Variants in NEDD4L observed in about 807,000 individuals in gnomAD.
The protein encoded by NEDD4L is E3 ubiquitin-protein ligase NEDD4-like.
NEDD4L carries 54 observed loss-of-function variants against 148.9 expected under a neutral mutation model. The observed-to-expected ratio is 0.36, with a 90% CI of 0.29 to 0.45. The LOEUF (loss-of-function observed/expected upper bound fraction) is 0.45. Ranked by LOEUF, NEDD4L falls within the 20% of genes least tolerant of loss-of-function variation. The pLI is 1.00. For missense variants in NEDD4L, 856 were observed against 1,233.8 expected (o/e 0.69, Z 4.59); for synonymous variants, 433 against 440.7 (o/e 0.98, Z 0.22).
At chr18:58,217,949 G>A (rs1816641815) in intron 2 of NEDD4L, among the ~76,000 whole-genome samples, 1 of 152,200 alleles carries the variant, frequency 6.6e-6, no homozygotes, top group South Asian at 2.1e-4. Flanking sequence ...AGGCTGCAGA[G>A]TATGGATAAA....
chr18:58,195,422 CGATT>C, intron 2 of NEDD4L: 1 of 1,300,112 alleles, frequency 7.7e-7, no homozygotes, highest in Non-Finnish European at 1.0e-6. Flanking sequence ...AATTTGCTCC[CGATT>C]CGAGAGAGGC....
At chr18:58,281,083 T>C (rs1012551820) in intron 5 of NEDD4L, among the ~76,000 whole-genome samples, 1 of 152,156 alleles carries the variant, frequency 6.6e-6, no homozygotes, top group African/African-American at 2.4e-5. Context: ...GCTCAAGCGA[T>C]CCTCCCGCCT....
chr18:58,341,249 T>G (rs1356587631), intron 14 of NEDD4L, 80 bp downstream of exon 14: 12 of 1,496,922 alleles, frequency 8.0e-6, no homozygotes, highest in Admixed American at 2.2e-5. Flanking sequence ...TCCTGGTGTT[T>G]ATGTATTGTT....
intron 15 of NEDD4L, among the ~76,000 whole-genome samples, chr18:58,342,040 G>T (rs749774753): frequency 7.9e-5 from 12 of 152,334 alleles, no homozygotes; most frequent in Non-Finnish European, 1.5e-4. Flanking sequence ...ACTTGTGCTG[G>T]ACGTGGGCAC....
At chr18:58,115,248 T>TC (rs1247540427) in intron 1 of NEDD4L, among the ~76,000 whole-genome samples, 10 of 148,554 alleles carry the variant, frequency 6.7e-5, no homozygotes, top group South Asian at 2.1e-4. Context: ...TTTCTTTCTT[T>TC]TTTTTTTTTT....
At chr18:58,378,429 C>T (rs1018138681) in intron 24 of NEDD4L, among the ~76,000 whole-genome samples, 1 of 152,226 alleles carries the variant, frequency 6.6e-6, no homozygotes, top group African/African-American at 2.4e-5. Flanking sequence ...CAGAGCATGT[C>T]CTGGCGGAAG....
chr18:58,283,856 G>A (rs936437887), intron 5 of NEDD4L, among the ~76,000 whole-genome samples: 4 of 152,182 alleles, frequency 2.6e-5, no homozygotes, highest in Admixed American at 2.0e-4. Context: ...GTCAAGTTAA[G>A]ATGAGGCCAT....
intron 1 of NEDD4L, among the ~76,000 whole-genome samples, chr18:58,062,667 A>G (rs1405701173): frequency 2.0e-5 from 3 of 152,162 alleles, no homozygotes; most frequent in Admixed American, 6.5e-5. Flanking sequence ...GGAGCATGAA[A>G]GTACCAATAG....
intron 24 of NEDD4L, among the ~76,000 whole-genome samples, chr18:58,379,425 A>G (rs1029906989): frequency 6.6e-6 from 1 of 152,218 alleles, no homozygotes; most frequent in Non-Finnish European, 1.5e-5. Flanking sequence ...CTGAGGACAT[A>G]CAGTCCCTCC....
chr18:58,328,256 T>C (rs2059486057), intron 9 of NEDD4L, among the ~76,000 whole-genome samples: 1 of 152,172 alleles, frequency 6.6e-6, no homozygotes, highest in Non-Finnish European at 1.5e-5. Context: ...TGAGCCACCA[T>C]GCCCAGCCCA....
At chr18:58,085,684 G>T (rs1223148964) in intron 1 of NEDD4L, among the ~76,000 whole-genome samples, 2 of 152,214 alleles carry the variant, frequency 1.3e-5, no homozygotes, top group Non-Finnish European at 2.9e-5. Context: ...AAGATACATG[G>T]AGTGTCATTG....
chr18:58,381,154 A>G (rs2048286364), intron 24 of NEDD4L, among the ~76,000 whole-genome samples: 1 of 152,244 alleles, frequency 6.6e-6, no homozygotes, highest in African/African-American at 2.4e-5. Flanking sequence ...AAGAGAAATT[A>G]CTGTGAGAAG....
chr18:58,360,632 A>C (rs1030592599), intron 19 of NEDD4L, among the ~76,000 whole-genome samples: 1 of 152,130 alleles, frequency 6.6e-6, no homozygotes, highest in Non-Finnish European at 1.5e-5. Context: ...TTTATTTCTT[A>C]GCCTCTTTGA....
chr18:58,202,400 C>T (rs530606887), intron 2 of NEDD4L, among the ~76,000 whole-genome samples: 6 of 152,372 alleles, frequency 3.9e-5, no homozygotes, highest in Non-Finnish European at 7.3e-5. Flanking sequence ...GCAGCATCCC[C>T]GGAGCTCATC....
intron 5 of NEDD4L, among the ~76,000 whole-genome samples, chr18:58,275,357 C>A (rs539169127): frequency 6.6e-6 from 1 of 152,066 alleles, no homozygotes; most frequent in Non-Finnish European, 1.5e-5. Flanking sequence ...GGTAGAAAAT[C>A]CTTGTATAAT....
At chr18:58,067,435 A>G (rs1286134273) in intron 1 of NEDD4L, among the ~76,000 whole-genome samples, 3 of 152,180 alleles carry the variant, frequency 2.0e-5, no homozygotes, top group Non-Finnish European at 4.4e-5. Flanking sequence ...TTAAGGGGTT[A>G]TCAGGGAATG....
rs2056873856 is a variant in NEDD4L at position 58,304,690 on chromosome 18, CATCT to C, written c.298-11289_298-11286del. Among the ~76,000 whole-genome samples, 3 of 152,256 alleles carry C rather than the reference CATCT, an allele frequency of 2.0e-5. No individual in the cohort carries two copies. The South Asian group carries it at 6.2e-4, about 32-fold the overall frequency. ...GATAGACATGGGATTTTAAACTAGC[CATCT>C]ATATGTCCAAAACCCATCCGCTTTC... On this transcript the variant is annotated intron_variant, in intron 5 of 30. Coordinates refer to ENST00000400345, the MANE Select transcript of NEDD4L (RefSeq NM_001144967.3).
chr18:58,292,530 G>A (rs984271352), intron 5 of NEDD4L, among the ~76,000 whole-genome samples: 9 of 152,022 alleles, frequency 5.9e-5, no homozygotes, highest in African/African-American at 2.2e-4. Flanking sequence ...TCATGATCTC[G>A]CTCCTCTACT....
At position 58,210,001 on chromosome 18, in the gene NEDD4L, A is replaced by G. The variant is rs1336378189; in HGVS notation, c.123-35426A>G. ...GACCAACATGGAGAAACCCATCCAT[A>G]CTAAAAAAATACAAATTTGGCCGGG... On this transcript the variant is annotated intron_variant, in intron 2 of 30. Coordinates refer to ENST00000400345, the MANE Select transcript of NEDD4L (RefSeq NM_001144967.3). Among the ~76,000 whole-genome samples the G allele has an allele frequency of 1.3e-5, 2 of 152,012 alleles. 1 individual carries two copies. The highest frequency in any genetic ancestry group is 2.9e-5 in the Non-Finnish European group (2 of 67,988).
Sources: gnomAD v4.1 joint callset for allele counts (sites outside exome capture counted in the v4.1 genomes callset) on GRCh38, gnomAD v4.1.1 for gene constraint, MANE v1.5 for transcripts, NCBI Gene and HGNC (gene_info 2026-07-23, HGNC 2026-07-21) for gene names.